COL5A2: variants seen among roughly 807,000 people sequenced by gnomAD.
The protein encoded by COL5A2 is collagen type V alpha 2 chain.
A neutral mutation model predicts 208.2 loss-of-function variants in COL5A2; 23 were observed. The ratio of observed to expected loss-of-function variants is 0.11; its 90% CI spans 0.08 to 0.16. COL5A2 has a LOEUF of 0.16. Ranked by LOEUF, COL5A2 falls within the 10% of genes least tolerant of loss-of-function variation. The pLI, the probability that COL5A2 is intolerant of heterozygous loss-of-function variation, is 1.00. For synonymous variants in COL5A2, 625 were observed against 628.5 expected (o/e 0.99, Z 0.08); for missense variants, 1,590 against 1,956.4 (o/e 0.81, Z 3.53).
chr2:189,437,084 T>G, the COL5A2 span, among the ~76,000 whole-genome samples: 1 of 152,146 alleles, frequency 6.6e-6, no homozygotes, highest in Non-Finnish European at 1.5e-5. Flanking sequence ...ACCACTGTGT[T>G]CCAAGATCAG....
intron 19 of COL5A2, among the ~76,000 whole-genome samples, 189 bp downstream of exon 19, chr2:189,068,597 A>C (rs1328080427): frequency 2.0e-5 from 3 of 152,212 alleles, no homozygotes; most frequent in Non-Finnish European, 4.4e-5. Flanking sequence ...ATATATGCTC[A>C]ATGGGATGGA....
chr2:189,140,980 G>A (rs985744978), intron 1 of COL5A2, among the ~76,000 whole-genome samples: 1 of 151,994 alleles, frequency 6.6e-6, no homozygotes, highest in Non-Finnish European at 1.5e-5. Context: ...TTTTCACCTT[G>A]CCCACTTAAG....
chr2:189,048,141 T>C, intron 45 of COL5A2, 68 bp downstream of exon 45: 1 of 1,417,294 alleles, frequency 7.1e-7, no homozygotes, highest in Non-Finnish European at 1.0e-6. Context: ...TGACAGTTTT[T>C]AGTGTAAATT....
chr2:189,163,306 G>A (rs1290794607), intron 1 of COL5A2, among the ~76,000 whole-genome samples: 1 of 152,180 alleles, frequency 6.6e-6, no homozygotes, highest in Non-Finnish European at 1.5e-5. Context: ...AAGAAGGCAC[G>A]CTGCTAAACT....
chr2:189,188,953 GA>G (rs1320826995), intron 1 of COL5A2, among the ~76,000 whole-genome samples: 2 of 152,140 alleles, frequency 1.3e-5, no homozygotes, highest in African/African-American at 4.8e-5. Context: ...GTGTATTGGA[GA>G]AAACTATCTC....
chr2:189,150,412 C>A (rs1200571055), intron 1 of COL5A2, among the ~76,000 whole-genome samples: 1 of 152,100 alleles, frequency 6.6e-6, no homozygotes, highest in Admixed American at 6.5e-5. Context: ...GTCCTTAGGA[C>A]ACAGTGCTGA....
intron 1 of COL5A2, among the ~76,000 whole-genome samples, chr2:189,204,926 TA>T (rs1434991171): frequency 6.6e-6 from 1 of 152,198 alleles, no homozygotes; most frequent in African/African-American, 2.4e-5. Flanking sequence ...TTTTATCTCA[TA>T]AAACTCTAAA....
intron 4 of COL5A2, among the ~76,000 whole-genome samples, chr2:189,099,268 TA>T (rs61277574): frequency 6.6e-6 from 1 of 152,050 alleles, no homozygotes; most frequent in African/African-American, 2.4e-5. Flanking sequence ...TAATCTTCGT[TA>T]AAAAAACAAG....
chr2:189,043,118 C>T (rs1685593541), intron 48 of COL5A2, 33 bp downstream of exon 48: 3 of 1,501,066 alleles, frequency 2.0e-6, no homozygotes, highest in Non-Finnish European at 2.8e-6. Flanking sequence ...TTTTCAACTA[C>T]AGGGCAGAAT....
chr2:189,303,454 C>G, the COL5A2 span, among the ~76,000 whole-genome samples: 1 of 152,152 alleles, frequency 6.6e-6, no homozygotes, highest in Non-Finnish European at 1.5e-5. Flanking sequence ...GGTATTCACC[C>G]TGGAGTTGGT....
At chr2:189,035,266 T>C in intron 52 of COL5A2, 111 bp from the exon 53 acceptor site, 1 of 1,382,352 alleles carries the variant, frequency 7.2e-7, no homozygotes, top group South Asian at 1.2e-5. Flanking sequence ...TTTTGAAGAG[T>C]ATTACTTTAA....
At chr2:189,325,322 AAAT>A in the COL5A2 span, among the ~76,000 whole-genome samples, 1 of 144,150 alleles carries the variant, frequency 6.9e-6, no homozygotes, top group African/African-American at 2.7e-5. Flanking sequence ...TAATAAAAAA[AAAT>A]ATATATATAT....
At chr2:189,062,271 C>T (rs1686050122) in intron 29 of COL5A2, among the ~76,000 whole-genome samples, 1 of 151,762 alleles carries the variant, frequency 6.6e-6, no homozygotes, top group South Asian at 2.1e-4. Flanking sequence ...ACAACCTCCG[C>T]CTCCCGGGTT....
At chr2:189,148,640 T>C (rs1559125678) in intron 1 of COL5A2, among the ~76,000 whole-genome samples, 1 of 152,176 alleles carries the variant, frequency 6.6e-6, no homozygotes, top group Non-Finnish European at 1.5e-5. Flanking sequence ...AATTATGAAA[T>C]GCTATAACAA....
the COL5A2 span, among the ~76,000 whole-genome samples, chr2:189,379,540 A>T: frequency 2.2e-4 from 33 of 151,912 alleles, no homozygotes; most frequent in Middle Eastern, 3.2e-3. Flanking sequence ...GCAAAACAAA[A>T]TTTTCTTCAA....
At chr2:189,217,560 T>G (rs1392546822) in intron 1 of COL5A2, among the ~76,000 whole-genome samples, 1 of 152,084 alleles carries the variant, frequency 6.6e-6, no homozygotes, top group African/African-American at 2.4e-5. Flanking sequence ...TGGCTAACAA[T>G]CCTAGTGTGG....
At chr2:189,095,106 G>A (rs1425660367) in intron 6 of COL5A2, 2 of 148,826 alleles carry the variant, frequency 1.3e-5, no homozygotes, top group Admixed American at 1.4e-4. Context: ...AAACCATGCT[G>A]TACATTGTGA....
intron 45 of COL5A2, 35 bp downstream of exon 45, chr2:189,048,174 A>T: frequency 6.3e-7 from 1 of 1,596,390 alleles, no homozygotes; most frequent in Non-Finnish European, 8.6e-7. Context: ...GATTTGCATG[A>T]CTTTAGATTT....
At chr2:189,216,970 C>T (rs1252228670) in intron 1 of COL5A2, among the ~76,000 whole-genome samples, 1 of 151,976 alleles carries the variant, frequency 6.6e-6, no homozygotes, top group African/African-American at 2.4e-5. Flanking sequence ...GTGAAGGTAA[C>T]TCTCAAAAGA....
Sources: gnomAD v4.1 joint callset for allele counts (sites outside exome capture counted in the v4.1 genomes callset) on GRCh38, gnomAD v4.1.1 for gene constraint, MANE v1.5 for transcripts, NCBI Gene and HGNC (gene_info 2026-07-23, HGNC 2026-07-21) for gene names.